The following RIMS1 variants were observed in gnomAD, a reference collection of about 807,000 sequenced individuals.
RIMS1 encodes regulating synaptic membrane exocytosis protein 1.
RIMS1 carries 83 observed loss-of-function variants against 214.1 expected under a neutral mutation model. The ratio of observed to expected loss-of-function variants is 0.39; its 90% CI spans 0.32 to 0.47. RIMS1 has a LOEUF of 0.47. Ranked by LOEUF, RIMS1 falls within the 20% of genes least tolerant of loss-of-function variation. The probability of loss-of-function intolerance (pLI) is 0.99; values close to 1 mark genes in which losing one functional copy is unlikely to be tolerated. For synonymous variants in RIMS1, 793 were observed against 786.8 expected (o/e 1.01, Z -0.13); for missense variants, 2,050 against 2,161.8 (o/e 0.95, Z 1.03).
At chr6:72,200,063 TAAAA>T (rs1398815487) in intron 6 of RIMS1, among the ~76,000 whole-genome samples, 8 of 152,036 alleles carry the variant, frequency 5.3e-5, no homozygotes, top group Non-Finnish European at 1.2e-4. Flanking sequence ...AATAAGAAAA[TAAAA>T]AATTCTATCT....
At chr6:72,006,953 G>A (rs562023251) in intron 2 of RIMS1, among the ~76,000 whole-genome samples, 1 of 152,334 alleles carries the variant, frequency 6.6e-6, no homozygotes, top group Admixed American at 6.5e-5. Context: ...AAATGTCCCT[G>A]TCTGACAGCT....
chr6:72,173,143 T>C (rs1432909601), intron 4 of RIMS1, among the ~76,000 whole-genome samples: 1 of 152,220 alleles, frequency 6.6e-6, no homozygotes, highest in African/African-American at 2.4e-5. Context: ...TCCTGAAGAC[T>C]ATTGATAGTA....
At chr6:72,271,277 A>G (rs1591427412) in intron 22 of RIMS1, among the ~76,000 whole-genome samples, 1 of 61,480 alleles carries the variant, frequency 1.6e-5, no homozygotes, top group Admixed American at 2.0e-4. Context: ...AGGAAAAAAA[A>G]AAAAAAAAAA....
intron 29 of RIMS1, among the ~76,000 whole-genome samples, chr6:72,344,979 A>G (rs899145675): frequency 6.6e-6 from 1 of 151,798 alleles, no homozygotes; most frequent in Non-Finnish European, 1.5e-5. Context: ...AACTAAATTT[A>G]TTAAGTGCCT....
intron 5 of RIMS1, among the ~76,000 whole-genome samples, 179 bp downstream of exon 5, chr6:72,180,094 C>A: frequency 6.6e-6 from 1 of 152,196 alleles, no homozygotes. Context: ...CCTTAGGAGA[C>A]CTTTGTTGAA....
chr6:72,227,159 G>A (rs1285618650), intron 6 of RIMS1, among the ~76,000 whole-genome samples: 3 of 151,940 alleles, frequency 2.0e-5, no homozygotes, highest in Non-Finnish European at 4.4e-5. Context: ...AGCATATAAT[G>A]TTGATGGAGA....
intron 11 of RIMS1, 77 bp downstream of exon 11, chr6:72,245,938 T>C (rs1166622953): frequency 1.9e-6 from 2 of 1,047,766 alleles, no homozygotes; most frequent in African/African-American, 3.2e-5. Context: ...TCTTTAGTTA[T>C]TTGATATAAT....
At chr6:72,389,911 A>T (rs1221750854) in intron 29 of RIMS1, among the ~76,000 whole-genome samples, 1 of 152,182 alleles carries the variant, frequency 6.6e-6, no homozygotes, top group Non-Finnish European at 1.5e-5. Flanking sequence ...TCCCAGTACA[A>T]ATGGAGGTGT....
chr6:72,240,273 G>T (rs1006157772), intron 9 of RIMS1, among the ~76,000 whole-genome samples: 1 of 151,990 alleles, frequency 6.6e-6, no homozygotes, highest in Non-Finnish European at 1.5e-5. Context: ...AAAGTTATGC[G>T]TCCAGGTTGC....
At chr6:72,005,752 C>A (rs1485297265) in intron 2 of RIMS1, among the ~76,000 whole-genome samples, 1 of 152,172 alleles carries the variant, frequency 6.6e-6, no homozygotes, top group Non-Finnish European at 1.5e-5. Flanking sequence ...GAGCTTCATA[C>A]TAGAGATAAA....
Position 71,975,305 on chromosome 6 carries a change from A to G in RIMS1, c.245+6242A>G, listed in dbSNP as rs990765567. Among the ~76,000 whole-genome samples, 3 of 152,334 alleles carry G rather than the reference A, an allele frequency of 2.0e-5. No individual in the cohort carries two copies. In the East Asian group the frequency reaches 5.8e-4, roughly 29 times the overall value. ...GTTTTTCTGGAACTTTCCGTATTTT[A>G]GCACTAAAACTCCCATGTCCTGAGA... is the stretch of plus-strand genomic sequence containing the variant. On this transcript the variant is annotated intron_variant, in intron 2 of 33. Coordinates refer to ENST00000521978, the MANE Select transcript of RIMS1 (RefSeq NM_014989.7).
At chr6:72,291,822 G>A (rs2093429289) in intron 25 of RIMS1, 112 bp from the exon 26 acceptor site, 1 of 767,908 alleles carries the variant, frequency 1.3e-6, no homozygotes, top group Admixed American at 2.0e-5. Context: ...GCTCCCATTG[G>A]CCCAGTGAGG....
chr6:72,015,033 G>C (rs1015865088), intron 2 of RIMS1, among the ~76,000 whole-genome samples: 1 of 152,064 alleles, frequency 6.6e-6, no homozygotes, highest in Non-Finnish European at 1.5e-5. Flanking sequence ...GACCAGAAGG[G>C]TTTTGCATTT....
Position 72,067,522 on chromosome 6 carries a change from T to TAG in RIMS1, c.246-29427_246-29426insAG, listed in dbSNP as rs1829612462. On this transcript the variant is annotated intron_variant, in intron 2 of 33. Coordinates refer to ENST00000521978, the MANE Select transcript of RIMS1 (RefSeq NM_014989.7). ...CTTTTTAGGATAATTTATCTAAAACTGCCCTCCCACATGCCTAGTTACTCT... is the reference window on the plus strand; with the variant it reads ...CTTTTTAGGATAATTTATCTAAAACTAGGCCCTCCCACATGCCTAGTTACTCT... Among the ~76,000 whole-genome samples, 10 of 152,354 alleles carry TAG rather than the reference T, an allele frequency of 6.6e-5. No homozygotes were observed. The South Asian group carries it at 2.1e-3, about 32-fold the overall frequency.
At chr6:72,292,406 T>A (rs929145951) in intron 26 of RIMS1, among the ~76,000 whole-genome samples, 2 of 152,228 alleles carry the variant, frequency 1.3e-5, no homozygotes, top group East Asian at 1.9e-4. Context: ...AAAGATTTTT[T>A]AAAAATTAAA....
intron 1 of RIMS1, among the ~76,000 whole-genome samples, chr6:71,927,123 A>G (rs558449112): frequency 1.1e-4 from 16 of 152,324 alleles, no homozygotes; most frequent in Admixed American, 6.5e-4. Context: ...ATGAATGGCA[A>G]TTAATAATTT....
intron 28 of RIMS1, among the ~76,000 whole-genome samples, chr6:72,329,524 G>A (rs1399829224): frequency 6.6e-6 from 1 of 151,300 alleles, no homozygotes; most frequent in African/African-American, 2.4e-5. Context: ...GTAATCATAT[G>A]CCCTTTATTA....
At chr6:72,358,331 G>A (rs968256731) in intron 29 of RIMS1, among the ~76,000 whole-genome samples, 5 of 152,074 alleles carry the variant, frequency 3.3e-5, no homozygotes, top group African/African-American at 1.2e-4. Context: ...ACATTTCAAT[G>A]AGTATTTTTC....
At chr6:71,940,609 A>G (rs1387221913) in intron 1 of RIMS1, among the ~76,000 whole-genome samples, 2 of 152,226 alleles carry the variant, frequency 1.3e-5, no homozygotes, top group Non-Finnish European at 2.9e-5. Flanking sequence ...AACTATTGCA[A>G]TAGGGGAGAG....
Sources: allele counts gnomAD v4.1 joint callset (sites outside exome capture counted in the v4.1 genomes callset), GRCh38; gene constraint gnomAD v4.1.1; transcripts MANE v1.5; gene names NCBI Gene and HGNC (gene_info 2026-07-23, HGNC 2026-07-21).